Variants in GFM1 observed in about 807,000 individuals in gnomAD.
GFM1 encodes the protein elongation factor G, mitochondrial.
A neutral mutation model predicts 96.2 loss-of-function variants in GFM1; 62 were observed. The ratio of observed to expected loss-of-function variants is 0.64; its 90% CI spans 0.53 to 0.80. The LOEUF (loss-of-function observed/expected upper bound fraction) is 0.80, where lower values mean the gene tolerates loss of function less well. GFM1 is among the 30% of genes least tolerant of loss of function. The pLI, the probability that GFM1 is intolerant of heterozygous loss-of-function variation, is 0.00. For synonymous variants in GFM1, 282 were observed against 312.9 expected, an observed-to-expected ratio of 0.90 and a Z score of 1.04; for missense variants, 852 against 916.6, an observed-to-expected ratio of 0.93 and a Z score of 0.91.
At chr3:158,649,382 A>G in intron 5 of GFM1, 1 of 397,260 alleles carries the variant, frequency 2.5e-6, no homozygotes. Flanking sequence ...TACCCATATC[A>G]CATTATGGCA....
At chr3:158,647,525 A>C (rs530200646) in intron 4 of GFM1, among the ~76,000 whole-genome samples, 1 of 152,342 alleles carries the variant, frequency 6.6e-6, no homozygotes, top group Admixed American at 6.5e-5. Flanking sequence ...CCTTTTGTAG[A>C]TGTGCACGTG....
intron 5 of GFM1, chr3:158,649,823 G>A (rs1278891239): frequency 1.7e-6 from 1 of 573,974 alleles, no homozygotes; most frequent in South Asian, 2.3e-5. Flanking sequence ...TACCTCCAGA[G>A]ATTCTGATCA....
At chr3:158,690,088 T>G in intron 15 of GFM1, 75 bp from the exon 16 acceptor site, 4 of 1,302,970 alleles carry the variant, frequency 3.1e-6, no homozygotes, top group Non-Finnish European at 4.4e-6. Context: ...ATCATTTTTC[T>G]CCCTTTTTTA....
At position 158,646,117 on chromosome 3, in the gene GFM1, T is replaced by C. The variant is rs776494488; in HGVS notation, c.235-48T>C. ...ATTTCAGTTAAGATTTCTTTCCTTC[T>C]TGGAATGCAGGGACAGAGAAAGTCT... On this transcript the variant is annotated intron_variant, in intron 2 of 17. Transcript: ENST00000486715. 7.4e-6 allele frequency: 12 copies of C among 1,612,232 alleles called. No homozygotes were observed. The South Asian group carries it at 9.9e-5, about 13-fold the overall frequency.
At chr3:158,649,964 T>C (rs551904124) in intron 5 of GFM1, 18 of 1,481,890 alleles carry the variant, frequency 1.2e-5, no homozygotes, top group Non-Finnish European at 1.5e-5. Flanking sequence ...TGATCCTTTG[T>C]TCTGAGGAGT....
At position 158,691,896 on chromosome 3, in the gene GFM1, C is replaced by A; in HGVS notation, c.*429C>A. 1 of 176,916 alleles carries A rather than the reference C, an allele frequency of 5.7e-6. No homozygotes were observed. The highest frequency in any genetic ancestry group is 1.2e-5 in the Non-Finnish European group (1 of 83,292). 11.0% of individuals were successfully genotyped at this position (176,916 alleles called of 1,614,324 possible). A position where few individuals can be genotyped will look rare whatever the true frequency, so the allele number is the denominator to read the frequency against. ...CTTTCCATCTACCTTCCTTTGTTAA[C>A]GGGTTGTTTATCATATAATAATTTG... On this transcript the variant is annotated 3_prime_UTR_variant, in exon 18 of 18. Transcript: ENST00000486715.
At chr3:158,660,695 T>C in intron 9 of GFM1, 179 bp from the exon 10 acceptor site, 1 of 613,646 alleles carries the variant, frequency 1.6e-6, no homozygotes, top group East Asian at 2.8e-5. Context: ...CTTTTAAAAA[T>C]ACGTCTTAGC....
At chr3:158,672,510 T>C (rs369363639) in intron 13 of GFM1, 4 of 1,612,294 alleles carry the variant, frequency 2.5e-6, no homozygotes, top group Admixed American at 1.7e-5. Context: ...GGGCTTGGGC[T>C]ACTCTGGCTT....
intron 13 of GFM1, among the ~76,000 whole-genome samples, chr3:158,668,336 G>A (rs927929602): frequency 1.3e-5 from 2 of 151,836 alleles, no homozygotes; most frequent in East Asian, 1.9e-4. Context: ...GAATCATGAC[G>A]AGAAAAAAAT....
At chr3:158,648,678 CAAAA>C (rs9331287) in intron 4 of GFM1, among the ~76,000 whole-genome samples, 1,854 of 102,734 alleles carry the variant, frequency 0.018, 47 homozygotes, top group African/African-American at 0.06. Context: ...ACTCTTGTCT[CAAAA>C]AAAAAAAAAA....
Position 158,691,426 on chromosome 3 carries a change from A to C in GFM1, c.2215A>C (p.Thr739Pro), listed in dbSNP as rs201634749. 4.3e-6 allele frequency: 7 copies of C among 1,613,734 alleles called. No individual in the cohort carries two copies. In the Admixed American group the frequency reaches 1.2e-4, roughly 27 times the overall value. ...CGTCATTAATAAGTATTTGGAAGCT[A>C]CAGGTCAACTTCCTGTTAAAAAAGG... ...EDVINKYLEA[T>P]GQLPVKKGKA... is the part of the protein sequence containing the mutation. Residue 739 changes from threonine to proline, a missense_variant, in exon 18 of 18, where the codon ACA becomes CCA. Coordinates refer to ENST00000486715, the MANE Select transcript of GFM1 (RefSeq NM_024996.7).
At chr3:158,690,994 T>G (rs1377335043) in intron 16 of GFM1, 145 bp from the exon 17 acceptor site, 1 of 676,310 alleles carries the variant, frequency 1.5e-6, no homozygotes, top group African/African-American at 1.8e-5. Context: ...ACAGAAATGT[T>G]TCTCTTTGGC....
chr3:158,665,660 A>T (rs1723607611), intron 12 of GFM1, among the ~76,000 whole-genome samples, 186 bp downstream of exon 12: 10 of 152,100 alleles, frequency 6.6e-5, no homozygotes, highest in Admixed American at 6.6e-4. Flanking sequence ...TCGATCTCTA[A>T]ATCTTTTTAT....
chr3:158,688,935 T>G (rs897590829), intron 15 of GFM1, among the ~76,000 whole-genome samples: 1 of 152,216 alleles, frequency 6.6e-6, no homozygotes, highest in African/African-American at 2.4e-5. Flanking sequence ...AAGCACTGAG[T>G]AAATATATAA....
At chr3:158,674,593 G>A (rs1003190056) in intron 13 of GFM1, among the ~76,000 whole-genome samples, 2 of 152,142 alleles carry the variant, frequency 1.3e-5, no homozygotes, top group African/African-American at 4.8e-5. Context: ...AAGACTTTCG[G>A]AGAACAGTAT....
At chr3:158,684,492 T>C in intron 14 of GFM1, 32 bp from the exon 15 acceptor site, 1 of 1,613,016 alleles carries the variant, frequency 6.2e-7, no homozygotes, top group Non-Finnish European at 8.5e-7. Context: ...TAAAATCCAC[T>C]CACTCCAGAA....
At chr3:158,686,369 G>A (rs1329570619) in intron 15 of GFM1, among the ~76,000 whole-genome samples, 3 of 144,146 alleles carry the variant, frequency 2.1e-5, no homozygotes, top group African/African-American at 5.2e-5. Context: ...ATGTTCTGTG[G>A]AAAAAATGTA....
rs774530513 is a variant in GFM1 at position 158,666,263 on chromosome 3, A to AT, written c.1519-34dup. The stretch of plus-strand genomic sequence containing the variant: ...TGCTTAGGAGGTTTTCTTTCGGTTT[A>AT]TTTTTTTAAATTTAAATAATATTTT... On this transcript the variant is annotated intron_variant, in intron 12 of 17. Transcript: ENST00000486715. The AT allele has an allele frequency of 5.5e-6, 8 of 1,464,488 alleles. No homozygotes were observed. The Admixed American group carries it at 1.0e-4, about 19-fold the overall frequency. The allele number at this position is 1,464,488 out of a possible 1,614,324, so 90.7% of individuals were successfully genotyped here. A position where few individuals can be genotyped will look rare whatever the true frequency, so the allele number is the denominator to read the frequency against.
In GFM1 at chr3:158,649,122, T is replaced by A; in HGVS notation, c.654T>A (p.Ile218=). 1 of 1,516,852 alleles carries A rather than the reference T, an allele frequency of 6.6e-7. No individual in the cohort carries two copies. Among genetic ancestry groups the A allele is most frequent in the Non-Finnish European group, 9.2e-7 (1 of 1,092,294 alleles). The allele number at this position is 1,516,852 out of a possible 1,614,324, so 94.0% of individuals were successfully genotyped here. A position where few individuals can be genotyped will look rare whatever the true frequency, so the allele number is the denominator to read the frequency against. The stretch of plus-strand genomic sequence containing the variant: ...ATTTTAAAGGTATTGTAGATCTTAT[T>A]GAGGAACGAGCCATCTATTTTGATG... ...EGNFKGIVDL[I]EERAIYFDGD... Residue 218 remains isoleucine (I), a synonymous_variant, in exon 5 of 18, where the codon ATT becomes ATA. Transcript: ENST00000486715.
Sources: allele counts gnomAD v4.1 joint callset (sites outside exome capture counted in the v4.1 genomes callset), GRCh38; gene constraint gnomAD v4.1.1; transcripts MANE v1.5; gene names NCBI Gene and HGNC (gene_info 2026-07-23, HGNC 2026-07-21).